The following CAPN3 variants were observed in gnomAD, a reference collection of about 807,000 sequenced individuals.
CAPN3 encodes calpain-3.
Under a neutral mutation model 114.0 loss-of-function variants are expected in CAPN3, and 88 were observed. The observed-to-expected ratio is 0.77, with a 90% confidence interval of 0.65 to 0.92. The LOEUF (loss-of-function observed/expected upper bound fraction) is 0.92, where lower values mean the gene tolerates loss of function less well. Ranked by LOEUF, CAPN3 falls within the 40% of genes least tolerant of loss-of-function variation. The pLI, the probability that CAPN3 is intolerant of heterozygous loss-of-function variation, is 0.00. For missense variants in CAPN3, 1,028 were observed against 1,069.0 expected (o/e 0.96, Z 0.53); for synonymous variants, 386 against 382.9 (o/e 1.01, Z -0.09).
chr15:42,385,542 AG>A (rs2053375812), intron 2 of CAPN3: 669 of 379,026 alleles, frequency 1.8e-3, no homozygotes, highest in South Asian at 5.9e-3. Context: ...AGAGAGAGAG[AG>A]AGAGAGAGAG....
rs80338803 is a variant in CAPN3 at position 42,405,931 on chromosome 15, G to GA, written c.1795dup (p.Thr599AsnfsTer33). On this transcript the variant is annotated frameshift_variant, in exon 15 of 24. Transcript: ENST00000397163. LOFTEE classifies it high-confidence loss of function. ...TGTTTCCTTTTCTTATGCAGAAAAA[G>GA]AAAAAAACCAAGGTAGGTGTGTGGG... The GA allele has an allele frequency of 9.3e-6, 15 of 1,612,096 alleles. No homozygotes were observed. The East Asian group carries it at 2.5e-4, about 26-fold the overall frequency.
In CAPN3 at chr15:42,390,102, T is replaced by TAC; in HGVS notation, c.945+9_945+10dup. On this transcript the variant is annotated splice_region_variant and intron_variant, in intron 6 of 23. Transcript: ENST00000397163. ...CAGATGAAAGACCGACCCGGGTGTG[T>TAC]ACACCTCCGATTATCAGAACTGACC... The TAC allele has an allele frequency of 6.2e-7, 1 of 1,614,086 alleles. No individual in the cohort carries two copies. Among genetic ancestry groups the TAC allele is most frequent in the Non-Finnish European group, 8.5e-7 (1 of 1,179,998 alleles).
intron 1 of CAPN3, 146 bp downstream of exon 1, chr15:42,360,260 G>C: frequency 1.1e-6 from 1 of 895,500 alleles, no homozygotes; most frequent in Non-Finnish European, 1.8e-6. Flanking sequence ...TAAGTGTGAA[G>C]CAGGGAGGAG....
intron 7 of CAPN3, among the ~76,000 whole-genome samples, chr15:42,393,178 C>T (rs2053605035): frequency 6.6e-6 from 1 of 152,194 alleles, no homozygotes; most frequent in African/African-American, 2.4e-5. Flanking sequence ...AACCTATGCA[C>T]ATCCTCCCAT....
chr15:42,390,612 G>A (rs139077338), intron 6 of CAPN3, among the ~76,000 whole-genome samples: 1 of 151,342 alleles, frequency 6.6e-6, no homozygotes, highest in Non-Finnish European at 1.5e-5. Context: ...AAAACACAGA[G>A]GAAAATTTCA....
intron 1 of CAPN3, among the ~76,000 whole-genome samples, chr15:42,382,955 A>G (rs1210857509): frequency 6.6e-6 from 1 of 152,166 alleles, no homozygotes; most frequent in Non-Finnish European, 1.5e-5. Flanking sequence ...TCCTAAGTCA[A>G]AACTATTTTT....
chr15:42,360,324 G>T (rs1020965747), intron 1 of CAPN3, among the ~76,000 whole-genome samples: 7 of 151,524 alleles, frequency 4.6e-5, no homozygotes, highest in Non-Finnish European at 8.8e-5. Flanking sequence ...GAGGGAGAGC[G>T]CAGGAGGTGG....
chr15:42,409,213 G>T (rs2054124286), intron 16 of CAPN3, 90 bp from the exon 17 acceptor site: 1 of 1,257,878 alleles, frequency 7.9e-7, no homozygotes, highest in Admixed American at 1.9e-5. Flanking sequence ...GCCGTTTTAG[G>T]CACTTGGCTC....
intron 18 of CAPN3, 39 bp downstream of exon 18, chr15:42,409,883 G>GGGGGCCCCCC: frequency 3.6e-6 from 2 of 559,484 alleles, no homozygotes; most frequent in Non-Finnish European, 7.1e-6. Context: ...GGTGGGTGGG[G>GGGGGCCCCCC]AGTCCCGTTG....
rs187054121 is a variant in CAPN3 at position 42,409,372 on chromosome 15, G to T, written c.1984G>T (p.Ala662Ser). 2.4e-4 allele frequency: 382 copies of T among 1,614,126 alleles called. 1 individual carries two copies. Among genetic ancestry groups the T allele is most frequent in the South Asian group, 1.9e-3 (170 of 91,076 alleles). The change falls in exon 17 of 24, where the codon GCA (alanine) becomes TCA (serine). Residue 662 changes from alanine to serine, a missense_variant. Physicochemically the swap from Ala to Ser is moderately conservative, Grantham distance 99 (BLOSUM62 1). Transcript: ENST00000397163. ...QQFRNIFKQIAGDDMEICADE... is the reference protein window; with the variant it reads ...QQFRNIFKQISGDDMEICADE... ...ATTCCGGAACATTTTCAAGCAGATA[G>T]CAGGAGATGTGAGTACCTCCAAGCC... is the stretch of plus-strand genomic sequence containing the variant.
chr15:42,381,170 T>C (rs183834876), intron 1 of CAPN3, among the ~76,000 whole-genome samples: 1 of 152,186 alleles, frequency 6.6e-6, no homozygotes, highest in African/African-American at 2.4e-5. Context: ...GATTAAGAAT[T>C]TAAAATCAAG....
At chr15:42,398,999 G>T (rs1263603438) in intron 9 of CAPN3, among the ~76,000 whole-genome samples, 1 of 151,874 alleles carries the variant, frequency 6.6e-6, no homozygotes, top group Non-Finnish European at 1.5e-5. Context: ...TGGCCAAGCT[G>T]GTCTCAAACT....
chr15:42,409,300 C>T lies in CAPN3; in HGVS notation c.1915-3C>T, dbSNP rs995681891. On this transcript the variant is annotated splice_polypyrimidine_tract_variant and splice_region_variant and intron_variant, in intron 16 of 23. Coordinates refer to ENST00000397163, the MANE Select transcript of CAPN3 (RefSeq NM_000070.3). The stretch of plus-strand genomic sequence containing the variant: ...GAACCAGTTTTCCTTTGTGCCTCCA[C>T]AGCCACAGCCTGGCAGCTCTGATCA... 2 of 1,614,096 alleles carry T rather than the reference C, an allele frequency of 1.2e-6. No homozygotes were observed. The highest frequency in any genetic ancestry group is 1.3e-5 in the African/African-American group (1 of 75,050).
In CAPN3 at chr15:42,389,069, AG is replaced by A; in HGVS notation, c.776del (p.Gly259AlafsTer14). ...YKIMKKAIER[G>X]SLMGCSIDDG... Reference sequence around the variant, plus strand: ...AGATCATGAAGAAAGCCATCGAGAGAGGCTCCCTCATGGGCTGCTCCATTGA... The same window carrying A: ...AGATCATGAAGAAAGCCATCGAGAGAGCTCCCTCATGGGCTGCTCCATTGA... On this transcript the variant is annotated frameshift_variant, in exon 5 of 24. Coordinates refer to ENST00000397163, the MANE Select transcript of CAPN3 (RefSeq NM_000070.3). LOFTEE classifies it high-confidence loss of function. 6.2e-7 allele frequency: 1 copy of A among 1,614,026 alleles called. No individual in the cohort carries two copies.
intron 1 of CAPN3, among the ~76,000 whole-genome samples, chr15:42,372,412 G>A (rs2052973848): frequency 6.6e-6 from 1 of 152,174 alleles, no homozygotes; most frequent in South Asian, 2.1e-4. Context: ...CCTACCCTTG[G>A]CCTCCCAAAG....
chr15:42,370,567 T>C (rs1023576141), intron 1 of CAPN3, among the ~76,000 whole-genome samples: 2 of 152,138 alleles, frequency 1.3e-5, no homozygotes, highest in African/African-American at 4.8e-5. Flanking sequence ...TCAGACAGTT[T>C]ACAGAGAAGT....
chr15:42,370,199 C>T (rs1264707953), intron 1 of CAPN3, among the ~76,000 whole-genome samples: 1 of 152,076 alleles, frequency 6.6e-6, no homozygotes, highest in Non-Finnish European at 1.5e-5. Context: ...AAGTTGGAAG[C>T]TTTCTGTCCA....
chr15:42,409,319 C>G lies in CAPN3; in HGVS notation c.1931C>G (p.Ser644Cys). 2 of 1,614,202 alleles carry G rather than the reference C, an allele frequency of 1.2e-6. No individual in the cohort carries two copies. Among genetic ancestry groups the G allele is most frequent in the South Asian group, 1.1e-5 (1 of 91,076 alleles). Residue 644 changes from serine (S) to cysteine (C), a missense_variant, in exon 17 of 24, where the codon TCT becomes TGT. Transcript: ENST00000397163. The stretch of plus-strand genomic sequence containing the variant: ...CCTCCACAGCCACAGCCTGGCAGCT[C>G]TGATCAGGAAAGTGAGGAACAGCAA... ...KQSPQPQPGSSDQESEEQQQF... is the reference protein window; with the variant it reads ...KQSPQPQPGSCDQESEEQQQF...
chr15:42,362,381 T>A (rs2052667811), intron 1 of CAPN3, among the ~76,000 whole-genome samples: 1 of 152,224 alleles, frequency 6.6e-6, no homozygotes, highest in Non-Finnish European at 1.5e-5. Flanking sequence ...AAAAATTCTT[T>A]AAGGGCCTGT....
Sources: allele counts gnomAD v4.1 joint callset (sites outside exome capture counted in the v4.1 genomes callset), GRCh38; gene constraint gnomAD v4.1.1; transcripts MANE v1.5; gene names NCBI Gene and HGNC (gene_info 2026-07-23, HGNC 2026-07-21).